The following GABRA3 variants were observed in gnomAD, a reference collection of about 807,000 sequenced individuals.
GABRA3 encodes gamma-aminobutyric acid type A receptor subunit alpha3, also known as gamma-aminobutyric acid receptor subunit alpha-3.
Under a neutral mutation model 30.1 loss-of-function variants are expected in GABRA3, and 10 were observed. That is an observed-to-expected ratio of 0.33 (90% confidence interval 0.20 to 0.56). The LOEUF is 0.56. Ranked by LOEUF, GABRA3 falls within the 20% of genes least tolerant of loss-of-function variation. The probability of loss-of-function intolerance (pLI) is 0.89; values close to 1 mark genes in which losing one functional copy is unlikely to be tolerated. For synonymous variants in GABRA3, 151 were observed against 146.8 expected (o/e 1.03, Z -0.21); for missense variants, 233 against 392.0 (o/e 0.59, Z 3.42).
intron 1 of GABRA3, among the ~76,000 whole-genome samples, chrX:152,382,695 A>G (rs1051000671): frequency 9.0e-6 from 1 of 111,336 alleles, no homozygotes; most frequent in Non-Finnish European, 1.9e-5. Context: ...TGATTTTTTA[A>G]TATGGTGTGA....
intron 8 of GABRA3, among the ~76,000 whole-genome samples, 174 bp downstream of exon 8, chrX:152,197,459 C>A (rs910381317): frequency 3.2e-4 from 36 of 111,560 alleles, no homozygotes; most frequent in Admixed American, 1.0e-3. Context: ...CTTATTCTAA[C>A]TTCCTCCTTG....
chrX:152,347,324 A>G (rs1008628732), intron 2 of GABRA3, among the ~76,000 whole-genome samples: 8 of 111,775 alleles, frequency 7.2e-5, no homozygotes, highest in South Asian at 3.8e-4. Flanking sequence ...GAGTAGAAGC[A>G]TTGTTACTAG....
At chrX:152,371,101 C>T (rs956231296) in intron 1 of GABRA3, among the ~76,000 whole-genome samples, 4 of 111,015 alleles carry the variant, frequency 3.6e-5, no homozygotes, top group Non-Finnish European at 5.7e-5. Context: ...CAAATAAGCA[C>T]CTTAATATAT....
chrX:152,421,378 T>G (rs1930369743), intron 1 of GABRA3, among the ~76,000 whole-genome samples: 1 of 111,306 alleles, frequency 9.0e-6, no homozygotes, highest in Non-Finnish European at 1.9e-5. Context: ...GAAGACTTAC[T>G]GTATATATAT....
chrX:152,167,300 G>A lies in GABRA3; in HGVS notation c.*928C>T, dbSNP rs1349420936. The A allele has an allele frequency of 2.7e-5, 3 of 111,845 alleles. No homozygotes were observed. In the East Asian group the frequency reaches 8.4e-4, roughly 31 times the overall value. The allele number at this position is 111,845 out of a possible 1,213,427, so 9.2% of individuals were successfully genotyped here. On this transcript the variant is annotated 3_prime_UTR_variant, in exon 10 of 10. Coordinates refer to ENST00000370314, the MANE Select transcript of GABRA3 (RefSeq NM_000808.4). ...AAACCTCTTACCCAATCCAGTATAGGCTAGTTGCCTTGGCAGGGAGGTGAC... is the reference window on the plus strand; with the variant it reads ...AAACCTCTTACCCAATCCAGTATAGACTAGTTGCCTTGGCAGGGAGGTGAC...
intron 7 of GABRA3, among the ~76,000 whole-genome samples, chrX:152,205,675 A>T (rs970159498): frequency 8.9e-6 from 1 of 111,832 alleles, no homozygotes; most frequent in Non-Finnish European, 1.9e-5. Context: ...TGGTGTGTTC[A>T]TTCTAATTGC....
At chrX:152,309,280 AT>A (rs1939765784) in intron 3 of GABRA3, among the ~76,000 whole-genome samples, 1 of 111,832 alleles carries the variant, frequency 8.9e-6, no homozygotes, top group Admixed American at 9.5e-5. Flanking sequence ...AATTCAGGAA[AT>A]TTATAGAATC....
At chrX:152,231,613 A>G (rs1203683930) in intron 5 of GABRA3, among the ~76,000 whole-genome samples, 1 of 111,383 alleles carries the variant, frequency 9.0e-6, no homozygotes. Flanking sequence ...AAAGTTTAAC[A>G]TAAGCTTACC....
chrX:152,365,618 C>T (rs1188274961), intron 1 of GABRA3, among the ~76,000 whole-genome samples: 4 of 111,544 alleles, frequency 3.6e-5, no homozygotes, highest in Non-Finnish European at 7.5e-5. Flanking sequence ...TCAGTCATAT[C>T]AGTGAATTAA....
At chrX:152,342,830 C>T (rs1156302461) in intron 3 of GABRA3, among the ~76,000 whole-genome samples, 1 of 111,405 alleles carries the variant, frequency 9.0e-6, no homozygotes, top group Admixed American at 9.6e-5. Context: ...GCCACTGAGG[C>T]CATATTCTAA....
chrX:152,348,759 T>C (rs1490416489), intron 2 of GABRA3, among the ~76,000 whole-genome samples: 1 of 112,305 alleles, frequency 8.9e-6, no homozygotes, highest in Non-Finnish European at 1.9e-5. Flanking sequence ...AAGTGTTCAA[T>C]AGCATTATGT....
intron 7 of GABRA3, among the ~76,000 whole-genome samples, chrX:152,203,235 C>T (rs1344266889): frequency 8.9e-6 from 1 of 111,791 alleles, no homozygotes; most frequent in Non-Finnish European, 1.9e-5. Flanking sequence ...ATGACTGTAT[C>T]AGTGTGTTTA....
intron 1 of GABRA3, among the ~76,000 whole-genome samples, chrX:152,415,633 A>C (rs1930192010): frequency 9.0e-6 from 1 of 110,966 alleles, no homozygotes; most frequent in African/African-American, 3.3e-5. Flanking sequence ...CCATTCCTTT[A>C]TTGTTGCAAT....
intron 3 of GABRA3, among the ~76,000 whole-genome samples, chrX:152,295,064 A>T (rs138939456): frequency 0.015 from 1,705 of 111,393 alleles, 19 homozygotes; most frequent in Middle Eastern, 0.033. Context: ...CTTCCTCTGG[A>T]AGCTTCATAC....
At chrX:152,387,979 A>C (rs1469812526) in intron 1 of GABRA3, among the ~76,000 whole-genome samples, 1 of 111,905 alleles carries the variant, frequency 8.9e-6, no homozygotes. Context: ...CAAAAAAGTC[A>C]TGTTCAAATA....
intron 7 of GABRA3, among the ~76,000 whole-genome samples, chrX:152,207,397 C>A (rs2124365437): frequency 8.9e-6 from 1 of 111,744 alleles, no homozygotes; most frequent in East Asian, 2.8e-4. Flanking sequence ...GCTCAGGGGC[C>A]ATTTCCAAAT....
intron 1 of GABRA3, among the ~76,000 whole-genome samples, chrX:152,374,004 C>A (rs1321214077): frequency 9.0e-6 from 1 of 111,565 alleles, no homozygotes; most frequent in Non-Finnish European, 1.9e-5. Flanking sequence ...GTATGTGCCA[C>A]ATTTTCTTAA....
At chrX:152,429,271 G>GTC (rs1020163787) in intron 1 of GABRA3, among the ~76,000 whole-genome samples, 6 of 109,334 alleles carry the variant, frequency 5.5e-5, no homozygotes, top group African/African-American at 1.0e-4. Context: ...CAAACCCATG[G>GTC]TCTCTCTCTC....
intron 2 of GABRA3, among the ~76,000 whole-genome samples, chrX:152,346,163 C>T (rs5970283): frequency 0.23 from 24,973 of 110,897 alleles, 2,675 homozygotes; most frequent in African/African-American, 0.43. Context: ...TTAAATTGTA[C>T]ATAGTCTACT....
Sources: gnomAD v4.1 joint callset for allele counts (sites outside exome capture counted in the v4.1 genomes callset) on GRCh38, gnomAD v4.1.1 for gene constraint, MANE v1.5 for transcripts, NCBI Gene and HGNC (gene_info 2026-07-23, HGNC 2026-07-21) for gene names.